The following ADGRL2 variants were observed in gnomAD, a reference collection of about 807,000 sequenced individuals.
The protein encoded by ADGRL2 is calcium-independent alpha-latrotoxin receptor 2.
ADGRL2 carries 44 observed loss-of-function variants against 157.4 expected under a neutral mutation model. The ratio of observed to expected loss-of-function variants is 0.28; its 90% confidence interval spans 0.22 to 0.36. The LOEUF is 0.36. Among genes scored for constraint, ADGRL2 ranks in the 10% least tolerant of loss-of-function variants. ADGRL2 has a pLI of 1.00. For synonymous variants in ADGRL2, 585 were observed against 624.7 expected (o/e 0.94, Z 0.95); for missense variants, 1,510 against 1,768.9 (o/e 0.85, Z 2.63).
chr1:81,687,062 A>G (rs1221775664), intron 3 of ADGRL2, among the ~76,000 whole-genome samples: 1 of 152,160 alleles, frequency 6.6e-6, no homozygotes, highest in Non-Finnish European at 1.5e-5. Context: ...CATATGGTCT[A>G]TCTTGGAGAA....
At chr1:81,383,641 A>T (rs1321451895) in intron 1 of ADGRL2, among the ~76,000 whole-genome samples, 2 of 148,578 alleles carry the variant, frequency 1.3e-5, no homozygotes, top group Non-Finnish European at 3.0e-5. Flanking sequence ...GGAAAACAAG[A>T]TCTCTCCTAA....
At chr1:81,411,994 G>C (rs2076954122) in intron 1 of ADGRL2, among the ~76,000 whole-genome samples, 1 of 152,074 alleles carries the variant, frequency 6.6e-6, no homozygotes, top group African/African-American at 2.4e-5. Context: ...AGGATCATCA[G>C]TAAGATCATT....
At chr1:81,859,767 A>T (rs1046643767) in intron 2 of ADGRL2, among the ~76,000 whole-genome samples, 5 of 152,250 alleles carry the variant, frequency 3.3e-5, no homozygotes, top group East Asian at 3.9e-4. Context: ...TTAGACTTTA[A>T]TTTTTTGTGA....
chr1:81,672,906 G>A (rs527471373), intron 3 of ADGRL2, among the ~76,000 whole-genome samples: 1 of 152,320 alleles, frequency 6.6e-6, no homozygotes, highest in Non-Finnish European at 1.5e-5. Context: ...TTGAAAACAT[G>A]TGAAAGTTGA....
At chr1:81,729,131 CTAACT>C (rs1365729243) in intron 1 of ADGRL2, among the ~76,000 whole-genome samples, 1 of 150,134 alleles carries the variant, frequency 6.7e-6, no homozygotes, top group Admixed American at 6.7e-5. Flanking sequence ...ATTTATTAAT[CTAACT>C]TGAGTATACA....
intron 3 of ADGRL2, among the ~76,000 whole-genome samples, chr1:81,648,390 G>A (rs992877362): frequency 6.6e-6 from 1 of 152,158 alleles, no homozygotes; most frequent in African/African-American, 2.4e-5. Flanking sequence ...CCGGTGTGCT[G>A]CCTTCTGCTA....
rs376866343 is a variant in ADGRL2 at position 81,757,829 on chromosome 1, G to A, written c.-142-3982G>A. On this transcript the variant is annotated intron_variant, in intron 1 of 20. Transcript: ENST00000359929. ...ATAGCCAGTCTTTGAAAGGGCGCAA[G>A]CTCCAAGCGGCGGCACTGGAGTACA... is the stretch of plus-strand genomic sequence containing the variant. 1.4e-3 allele frequency among the ~76,000 whole-genome samples: 216 copies of A among 152,312 alleles called. 6 individuals carry two copies. The South Asian group carries it at 0.041, about 29-fold the overall frequency.
intron 1 of ADGRL2, among the ~76,000 whole-genome samples, chr1:81,330,048 G>A (rs1428285785): frequency 6.6e-6 from 1 of 152,110 alleles, no homozygotes; most frequent in Non-Finnish European, 1.5e-5. Flanking sequence ...GTAAATGGCA[G>A]TATTTTCGGT....
chr1:81,979,982 T>C (rs370230699), intron 18 of ADGRL2, 22 bp downstream of exon 18: 1 of 1,332,024 alleles, frequency 7.5e-7, no homozygotes, highest in Non-Finnish European at 1.1e-6. Flanking sequence ...GTATTTTAAT[T>C]TTAATACTTG....
chr1:81,552,605 G>GAAAAAAAAAAAAAAAAAAAAAAAAA (rs35795177), intron 2 of ADGRL2, among the ~76,000 whole-genome samples: 3 of 103,990 alleles, frequency 2.9e-5, no homozygotes, highest in African/African-American at 7.6e-5. Context: ...ACTTTACTTA[G>GAAAAAAAAAAAAAAAAAAAAAAAAA]AAAAAAAAAA....
chr1:81,727,370 T>C (rs1263841250), intron 1 of ADGRL2, among the ~76,000 whole-genome samples: 2 of 152,194 alleles, frequency 1.3e-5, no homozygotes, highest in East Asian at 1.9e-4. Flanking sequence ...ATTTAAAAAG[T>C]ATATGTATAT....
intron 1 of ADGRL2, among the ~76,000 whole-genome samples, chr1:81,720,409 G>A (rs2084269021): frequency 6.6e-6 from 1 of 151,920 alleles, no homozygotes; most frequent in South Asian, 2.1e-4. Flanking sequence ...AGCTCAAAGT[G>A]ATCCGCCTGC....
intron 2 of ADGRL2, chr1:81,503,584 A>G (rs2078902761): frequency 8.1e-7 from 1 of 1,228,154 alleles, no homozygotes; most frequent in Non-Finnish European, 1.1e-6. Context: ...TTGGCCAGAC[A>G]TTGAGAGTTT....
chr1:81,488,312 A>G (rs932857465), intron 2 of ADGRL2, among the ~76,000 whole-genome samples: 2 of 152,172 alleles, frequency 1.3e-5, no homozygotes, highest in Non-Finnish European at 2.9e-5. Flanking sequence ...CAATACAAAA[A>G]TCACAAAATC....
At chr1:81,940,901 A>G (rs917098433) in intron 4 of ADGRL2, among the ~76,000 whole-genome samples, 1 of 150,352 alleles carries the variant, frequency 6.7e-6, no homozygotes, top group African/African-American at 2.4e-5. Flanking sequence ...CCCCCTTCCT[A>G]ACTTCATAAT....
intron 2 of ADGRL2, among the ~76,000 whole-genome samples, chr1:81,539,300 C>T (rs1198843274): frequency 6.6e-6 from 1 of 152,030 alleles, no homozygotes; most frequent in Admixed American, 6.6e-5. Flanking sequence ...AAAACAGCTA[C>T]AAAAATTTAT....
At chr1:81,548,789 T>C (rs2080079117) in intron 2 of ADGRL2, among the ~76,000 whole-genome samples, 1 of 152,180 alleles carries the variant, frequency 6.6e-6, no homozygotes, top group African/African-American at 2.4e-5. Flanking sequence ...CCCAAATTCT[T>C]GAATGATTAA....
At chr1:81,748,467 C>CAAA (rs973818702) in intron 1 of ADGRL2, among the ~76,000 whole-genome samples, 191 of 42,308 alleles carry the variant, frequency 4.5e-3, no homozygotes, top group Non-Finnish European at 5.1e-3. Context: ...GATTCCGTCT[C>CAAA]AAAAAAAAAA....
intron 2 of ADGRL2, among the ~76,000 whole-genome samples, chr1:81,555,488 C>T (rs2080252918): frequency 6.6e-6 from 1 of 152,044 alleles, no homozygotes; most frequent in Non-Finnish European, 1.5e-5. Context: ...AGTCTGGTCT[C>T]AAACTCTTGG....
Sources: allele counts gnomAD v4.1 joint callset (sites outside exome capture counted in the v4.1 genomes callset), GRCh38; gene constraint gnomAD v4.1.1; transcripts MANE v1.5; gene names NCBI Gene and HGNC (gene_info 2026-07-23, HGNC 2026-07-21).